Variants in SARDH observed in about 807,000 individuals in gnomAD.
SARDH encodes sarcosine dehydrogenase.
In SARDH, 95 loss-of-function variants were observed where a neutral mutation model predicts 109.1. The ratio of observed to expected loss-of-function variants is 0.87; its 90% CI spans 0.74 to 1.03. SARDH has a LOEUF of 1.03. Ranked by LOEUF, SARDH falls within the 50% of genes least tolerant of loss-of-function variation. The pLI, the probability that SARDH is intolerant of heterozygous loss-of-function variation, is 0.00. For synonymous variants in SARDH, 572 were observed against 534.8 expected (o/e 1.07, Z -0.96); for missense variants, 1,267 against 1,287.8 (o/e 0.98, Z 0.25).
chr9:133,662,145 C>G (rs999095602), downstream of SARDH, among the ~76,000 whole-genome samples: 60 of 152,110 alleles, frequency 3.9e-4, no homozygotes, highest in East Asian at 1.4e-3. This position sits in a 1 kb window ranked among gnomAD's most constrained non-coding sequence, Gnocchi z 5.1. Flanking sequence ...ACACAGGGGA[C>G]AGGGAGGGGT....
rs953398894 is a variant in SARDH, at chr9:133,728,107, G to A, written c.915+1658C>T. On this transcript the variant is annotated intron_variant, in intron 6 of 20. Coordinates refer to ENST00000439388, the MANE Select transcript of SARDH (RefSeq NM_001134707.2). The surrounding 1 kb of genome is among the most constrained non-coding windows in gnomAD (Gnocchi z 5.0). ...GACACCCACCGTGTGACTACTCTTA[G>A]TCCCTAACCCGGCACATGGCACCAG... 6.6e-6 allele frequency among the ~76,000 whole-genome samples: 1 copy of A among 152,130 alleles called. No individual in the cohort carries two copies. The highest frequency in any genetic ancestry group is 1.5e-5 in the Non-Finnish European group (1 of 68,004).
At chr9:133,706,055 C>T (rs1831684899) in intron 11 of SARDH, among the ~76,000 whole-genome samples, 1 of 152,240 alleles carries the variant, frequency 6.6e-6, no homozygotes, top group Admixed American at 6.5e-5. Flanking sequence ...TGGCCTTTTG[C>T]TGTGGCTGCC....
Position 133,692,525 on chromosome 9 carries a change from C to A in SARDH, c.1921+1733G>T, listed in dbSNP as rs528137776. On this transcript the variant is annotated intron_variant, in intron 15 of 20. Transcript: ENST00000439388. The surrounding 1 kb of genome is among the most constrained non-coding windows in gnomAD (Gnocchi z 5.0). ...TCCTCCCCATCCTTCCAAGCTCAGG[C>A]CGGCCCTCTCCTCCAGGAAGCCTTG... Among the ~76,000 whole-genome samples, 1 of 152,302 alleles carries A rather than the reference C, an allele frequency of 6.6e-6. No homozygotes were observed. Among genetic ancestry groups the A allele is most frequent in the African/African-American group, 2.4e-5 (1 of 41,556 alleles).
chr9:133,697,600 T>A (rs977334066), intron 13 of SARDH, among the ~76,000 whole-genome samples: 1 of 152,246 alleles, frequency 6.6e-6, no homozygotes, highest in Non-Finnish European at 1.5e-5. Flanking sequence ...ATCCCAGGAA[T>A]ATGAGGTTGG....
intron 3 of SARDH, among the ~76,000 whole-genome samples, chr9:133,731,923 G>T (rs1832697158): frequency 6.6e-6 from 1 of 152,142 alleles, no homozygotes; most frequent in Non-Finnish European, 1.5e-5. Context: ...CCAAGATCCT[G>T]TTTCAGACTG....
At chr9:133,678,871 G>T (rs1481158224) in intron 17 of SARDH, among the ~76,000 whole-genome samples, 1 of 152,186 alleles carries the variant, frequency 6.6e-6, no homozygotes, top group African/African-American at 2.4e-5. Context: ...TTTTGTTACA[G>T]GGCTGTCTCC....
chr9:133,737,299 A>G (rs1832916918), intron 1 of SARDH, among the ~76,000 whole-genome samples: 1 of 152,210 alleles, frequency 6.6e-6, no homozygotes, highest in South Asian at 2.1e-4. Context: ...GTCTGATTGC[A>G]GCGGCGTAGG....
In SARDH at chr9:133,704,285, G is replaced by A. The variant is rs1159967722; in HGVS notation, c.1554+663C>T. The stretch of plus-strand genomic sequence containing the variant: ...GTGCACCAGAGGGGACTGGTGAGAC[G>A]CAGCCCCGGGAAGGGGATTTCGATT... On this transcript the variant is annotated intron_variant, in intron 12 of 20. Transcript: ENST00000439388. This position sits in a 1 kb window ranked among gnomAD's most constrained non-coding sequence, Gnocchi z 4.5. 2.0e-5 allele frequency among the ~76,000 whole-genome samples: 3 copies of A among 152,276 alleles called. No homozygotes were observed. The highest frequency in any genetic ancestry group is 2.9e-5 in the Non-Finnish European group (2 of 68,002).
rs905922720 is a variant in SARDH, at chr9:133,692,230, T to A, written c.1922-1703A>T. On this transcript the variant is annotated intron_variant, in intron 15 of 20. Coordinates refer to ENST00000439388, the MANE Select transcript of SARDH (RefSeq NM_001134707.2). This position sits in a 1 kb window ranked among gnomAD's most constrained non-coding sequence, Gnocchi z 5.0. ...GGAAACTGAGGCTCGGGGGGGCAGGTCGCTGAGCCAGGTAGTGGCAGGACC... is the reference window on the plus strand; with the variant it reads ...GGAAACTGAGGCTCGGGGGGGCAGGACGCTGAGCCAGGTAGTGGCAGGACC... Among the ~76,000 whole-genome samples, 5 of 152,044 alleles carry A rather than the reference T, an allele frequency of 3.3e-5. No homozygotes were observed. The highest frequency in any genetic ancestry group is 7.4e-5 in the Non-Finnish European group (5 of 67,984).
intron 4 of SARDH, 105 bp downstream of exon 4, chr9:133,731,200 G>A (rs1233023673): frequency 1.4e-6 from 2 of 1,426,212 alleles, no homozygotes; most frequent in African/African-American, 2.8e-5. Context: ...AAGTCACACA[G>A]CAGTCAGAGA....
At chr9:133,722,668 T>G (rs1832366998) in intron 6 of SARDH, among the ~76,000 whole-genome samples, 1 of 151,670 alleles carries the variant, frequency 6.6e-6, no homozygotes, top group South Asian at 2.1e-4. Flanking sequence ...TCTCTCTCTC[T>G]CTCTCTCTCT....
intron 13 of SARDH, among the ~76,000 whole-genome samples, chr9:133,699,867 C>A (rs538232333): frequency 1.3e-5 from 2 of 152,318 alleles, no homozygotes; most frequent in East Asian, 3.9e-4. Context: ...TCGTTATATA[C>A]CCATAAGAAA....
rs187621946 is a variant in SARDH at position 133,676,050 on chromosome 9, C to T, written c.2164-4353G>A. On this transcript the variant is annotated intron_variant, in intron 17 of 20. Transcript: ENST00000439388. ...TTGAGGCAGTGAGCTGAGATCGCAC[C>T]GCTGCACTCCAGCCTGGGTGACAGA... is the stretch of plus-strand genomic sequence containing the variant. Among the ~76,000 whole-genome samples, 162 of 151,898 alleles carry T rather than the reference C, an allele frequency of 1.1e-3. 6 individuals are homozygous for T. In the South Asian group the frequency reaches 0.03, roughly 28 times the overall value.
chr9:133,690,576 G>A (rs781697712), intron 15 of SARDH, 49 bp from the exon 16 acceptor site: 3 of 1,577,180 alleles, frequency 1.9e-6, no homozygotes, highest in Admixed American at 3.4e-5. Context: ...GGCCTGGGAG[G>A]TGGGGACAGA....
chr9:133,670,801 C>T (rs546492241), intron 18 of SARDH, 49 bp from the exon 19 acceptor site: 1 of 1,503,248 alleles, frequency 6.7e-7, no homozygotes, highest in East Asian at 2.4e-5. Flanking sequence ...GGGGGATAAG[C>T]CCTTCAGGAG....
chr9:133,734,085 C>A lies in SARDH; in HGVS notation c.89G>T (p.Ser30Ile). The change falls in exon 2 of 21, where the codon AGC becomes ATC. Residue 30 changes from serine to isoleucine, a missense_variant. Coordinates refer to ENST00000439388, the MANE Select transcript of SARDH (RefSeq NM_001134707.2). ...TRGMGPCNLSSAAGPTAEKSV... is the reference protein window; with the variant it reads ...TRGMGPCNLSIAAGPTAEKSV... ...CTTCTCGGCTGTGGGGCCAGCTGCG[C>A]TGGACAGGTTGCATGGCCCCATGCC... The A allele has an allele frequency of 1.9e-6, 3 of 1,613,080 alleles. No homozygotes were observed. Among genetic ancestry groups the A allele is most frequent in the Non-Finnish European group, 2.5e-6 (3 of 1,179,926 alleles).
chr9:133,698,356 A>T (rs1455555724), intron 13 of SARDH, among the ~76,000 whole-genome samples: 1 of 152,252 alleles, frequency 6.6e-6, no homozygotes, highest in African/African-American at 2.4e-5. Flanking sequence ...AAATTGATCT[A>T]CAGACCTAAC....
At chr9:133,673,188 A>G (rs34508494) in intron 17 of SARDH, among the ~76,000 whole-genome samples, 46,519 of 152,210 alleles carry the variant, frequency 0.31, 7,950 homozygotes, top group African/African-American at 0.46. Flanking sequence ...CACAGACAGC[A>G]TGGGGGGCTT....
chr9:133,673,491 A>C (rs1465769857), intron 17 of SARDH, among the ~76,000 whole-genome samples: 1 of 152,250 alleles, frequency 6.6e-6, no homozygotes, highest in Non-Finnish European at 1.5e-5. Flanking sequence ...AGGAGGGCAG[A>C]GGCCGCTCTC....
Sources: allele counts gnomAD v4.1 joint callset (sites outside exome capture counted in the v4.1 genomes callset), GRCh38; gene constraint gnomAD v4.1.1; non-coding constraint Gnocchi (gnomAD v3.1); transcripts MANE v1.5; gene names NCBI Gene and HGNC (gene_info 2026-07-23, HGNC 2026-07-21).